The following HERC4 variants were observed in gnomAD, a reference collection of about 807,000 sequenced individuals.
HERC4 encodes probable E3 ubiquitin-protein ligase HERC4.
In HERC4, 28 loss-of-function variants were observed where a neutral mutation model predicts 124.3. That is an observed-to-expected ratio of 0.23 (90% CI 0.17 to 0.31). The LOEUF is 0.31. Among genes scored for constraint, HERC4 ranks in the 10% least tolerant of loss-of-function variants. HERC4 has a pLI of 1.00. For synonymous variants in HERC4, 407 were observed against 421.5 expected (o/e 0.97, Z 0.42); for missense variants, 713 against 1,229.3 (o/e 0.58, Z 6.28).
intron 5 of HERC4, among the ~76,000 whole-genome samples, chr10:68,034,676 C>T (rs1438340719): frequency 2.0e-5 from 3 of 152,180 alleles, no homozygotes; most frequent in Non-Finnish European, 2.9e-5. Flanking sequence ...GAACTTCTAA[C>T]TTAGGATGCC....
At chr10:68,060,007 A>G (rs1318179755) in intron 3 of HERC4, among the ~76,000 whole-genome samples, 1 of 142,910 alleles carries the variant, frequency 7.0e-6, no homozygotes, top group Non-Finnish European at 1.5e-5. Flanking sequence ...CCATTGTTCT[A>G]ATTGGCTCTT....
At chr10:68,006,237 C>A (rs532799979) in intron 9 of HERC4, among the ~76,000 whole-genome samples, 1 of 152,146 alleles carries the variant, frequency 6.6e-6, no homozygotes, top group Admixed American at 6.5e-5. Flanking sequence ...TTACTATTAT[C>A]GTGAGTTTTG....
At chr10:67,962,630 G>C (rs1278423450) in intron 16 of HERC4, among the ~76,000 whole-genome samples, 1 of 151,952 alleles carries the variant, frequency 6.6e-6, no homozygotes, top group African/African-American at 2.4e-5. Context: ...ACCAGATAAA[G>C]ATAATTAACT....
At position 67,991,031 on chromosome 10, in the gene HERC4, GAAAAA is replaced by G; in HGVS notation, c.1332-21_1332-17del. 1 of 1,030,440 alleles carries G rather than the reference GAAAAA, an allele frequency of 9.7e-7. No individual in the cohort carries two copies. The highest frequency in any genetic ancestry group is 2.9e-5 in the East Asian group (1 of 34,094). 63.8% of individuals were successfully genotyped at this position (1,030,440 alleles called of 1,614,324 possible). A position where few individuals can be genotyped will look rare whatever the true frequency, so the allele number is the denominator to read the frequency against. On this transcript the variant is annotated splice_polypyrimidine_tract_variant and intron_variant, in intron 12 of 24. Coordinates refer to ENST00000373700, the MANE Select transcript of HERC4 (RefSeq NM_015601.4). ...ATCATCATTGCTAAAAAACAGAAAAGAAAAAAAAAAATAGAATAAAAATTTAAAAT... is the reference window on the plus strand; with the variant it reads ...ATCATCATTGCTAAAAAACAGAAAAGAAAAAATAGAATAAAAATTTAAAAT...
chr10:67,950,768 T>C (rs943579218), intron 19 of HERC4, among the ~76,000 whole-genome samples: 1 of 152,220 alleles, frequency 6.6e-6, no homozygotes, highest in Non-Finnish European at 1.5e-5. Context: ...GATAAGTCTA[T>C]GGATGCATGT....
chr10:67,930,065 C>T (rs2031618405), intron 23 of HERC4, among the ~76,000 whole-genome samples: 1 of 152,168 alleles, frequency 6.6e-6, no homozygotes, highest in Non-Finnish European at 1.5e-5. Flanking sequence ...CTCGGCCTCC[C>T]AAAGTGCTGG....
chr10:67,951,122 A>C (rs1389002998), intron 19 of HERC4, among the ~76,000 whole-genome samples: 3 of 152,120 alleles, frequency 2.0e-5, no homozygotes, highest in Non-Finnish European at 4.4e-5. Context: ...ATTCATGATA[A>C]AGCTTATTAC....
In HERC4 at chr10:68,059,873, A is replaced by AATATTATATATC. The variant is rs1564610144; in HGVS notation, c.226+13009_226+13010insGATATATAATAT. ...TATATATCATAATATTATATATTAT[A>AATATTATATATC]ATAATATTATATATCATAATATTAT... is the stretch of plus-strand genomic sequence containing the variant. On this transcript the variant is annotated intron_variant, in intron 3 of 24. Coordinates refer to ENST00000373700, the MANE Select transcript of HERC4 (RefSeq NM_015601.4). 4.1e-5 allele frequency among the ~76,000 whole-genome samples: 3 copies of AATATTATATATC among 73,492 alleles called. 1 individual carries two copies. The highest frequency in any genetic ancestry group is 2.7e-4 in the African/African-American group (2 of 7,370). The allele number at this position is 73,492 out of a possible 152,430, so 48.2% of individuals were successfully genotyped here. A position where few individuals can be genotyped will look rare whatever the true frequency, so the allele number is the denominator to read the frequency against.
chr10:67,926,738 G>T (rs937859472), intron 23 of HERC4, among the ~76,000 whole-genome samples: 1 of 152,232 alleles, frequency 6.6e-6, no homozygotes, highest in African/African-American at 2.4e-5. Flanking sequence ...TCAGTGAACA[G>T]AATCCTCACT....
chr10:67,981,108 T>C (rs2035903221), intron 15 of HERC4, among the ~76,000 whole-genome samples: 1 of 152,052 alleles, frequency 6.6e-6, no homozygotes, highest in Non-Finnish European at 1.5e-5. Context: ...TAAAGCTGCA[T>C]GAATAGAAAA....
At chr10:67,977,305 G>A (rs185529635) in intron 15 of HERC4, among the ~76,000 whole-genome samples, 27 of 152,256 alleles carry the variant, frequency 1.8e-4, no homozygotes, top group African/African-American at 6.0e-4. Flanking sequence ...TAGATACACA[G>A]TGGCCAGAAG....
chr10:68,068,638 C>G (rs2041418370), intron 3 of HERC4: 1 of 151,926 alleles, frequency 6.6e-6, no homozygotes, highest in East Asian at 1.9e-4. Flanking sequence ...CTACCCTAAG[C>G]AACAGAATAA....
In HERC4 at chr10:67,960,983, C is replaced by T. The variant is rs16925001; in HGVS notation, c.1927-4007G>A. ...GATCATGATTTTCATCACTTTCTTG[C>T]GGATTTGGCGGACCTGTTGGTGCTG... On this transcript the variant is annotated intron_variant, in intron 16 of 24. Transcript: ENST00000373700. 0.022 allele frequency: 8,011 copies of T among 356,164 alleles called. 601 individuals are homozygous for T. The East Asian group carries it at 0.28, about 13-fold the overall frequency. 22.1% of individuals were successfully genotyped at this position (356,164 alleles called of 1,614,324 possible). A position where few individuals can be genotyped will look rare whatever the true frequency, so the allele number is the denominator to read the frequency against.
Position 67,954,699 on chromosome 10 carries a change from C to G in HERC4, c.2233G>C (p.Val745Leu). Residue 745 changes from valine (V) to leucine (L), a missense_variant, in exon 19 of 25, where the codon GTG (valine) becomes CTG (leucine). Coordinates refer to ENST00000373700, the MANE Select transcript of HERC4 (RefSeq NM_015601.4). ...VGEDAVDAGG[V>L]RKEFFLLIMR... ...ATGAGCAAGAAAAATTCTTTGCGCA[C>G]CCCTCCTGCATCCACAGCATCTTCT... 6.2e-7 allele frequency: 1 copy of G among 1,613,586 alleles called. No homozygotes were observed.
At chr10:67,930,195 C>T (rs1385484773) in intron 23 of HERC4, among the ~76,000 whole-genome samples, 2 of 151,996 alleles carry the variant, frequency 1.3e-5, no homozygotes, top group Non-Finnish European at 2.9e-5. Flanking sequence ...TGAAGCACAT[C>T]TAAGTTGTTT....
chr10:68,051,858 G>A (rs2040329522), intron 3 of HERC4, among the ~76,000 whole-genome samples: 1 of 149,696 alleles, frequency 6.7e-6, no homozygotes, highest in African/African-American at 2.5e-5. Flanking sequence ...TTTTAGAGGT[G>A]GGGTTTCACT....
intron 8 of HERC4, among the ~76,000 whole-genome samples, chr10:68,015,452 GCTAA>G (rs761365270): frequency 5.9e-5 from 9 of 151,826 alleles, no homozygotes; most frequent in Non-Finnish European, 1.2e-4. Flanking sequence ...AGCGACATAA[GCTAA>G]CTAATACATT....
At chr10:67,933,348 T>C (rs996485458) in intron 22 of HERC4, among the ~76,000 whole-genome samples, 1 of 151,982 alleles carries the variant, frequency 6.6e-6, no homozygotes, top group African/African-American at 2.4e-5. Flanking sequence ...TGAATACATA[T>C]ACAATCACTT....
At chr10:68,061,580 G>A (rs539105694) in intron 3 of HERC4, among the ~76,000 whole-genome samples, 90 of 137,092 alleles carry the variant, frequency 6.6e-4, no homozygotes, top group Non-Finnish European at 1.0e-3. Flanking sequence ...TTCTGTCAGC[G>A]AAAGAATAAG....
Sources: allele counts gnomAD v4.1 joint callset (sites outside exome capture counted in the v4.1 genomes callset), GRCh38; gene constraint gnomAD v4.1.1; transcripts MANE v1.5; gene names NCBI Gene and HGNC (gene_info 2026-07-23, HGNC 2026-07-21).